ETV7: variants seen among roughly 807,000 people sequenced by gnomAD.
ETV7 encodes ETS variant transcription factor 7, also known as transcription factor ETV7.
Under a neutral mutation model 39.1 loss-of-function variants are expected in ETV7, and 43 were observed. That is an observed-to-expected ratio of 1.10 (90% CI 0.86 to 1.42). The LOEUF is 1.42. Ranked by LOEUF, ETV7 falls within the 40% of genes most tolerant of loss-of-function variation. The pLI, the probability that ETV7 is intolerant of heterozygous loss-of-function variation, is 0.00. For missense variants in ETV7, 432 were observed against 442.3 expected (o/e 0.98, Z 0.21); for synonymous variants, 196 against 176.6 (o/e 1.11, Z -0.87).
At position 36,369,098 on chromosome 6, in the gene ETV7, C is replaced by T. The variant is rs369710200; in HGVS notation, c.665-27G>A. ...TGCAATTTAGCACAGGGAGTGCAGGCAGCGCAGCTTTACTGGAGCTGTGAG... is the reference window on the plus strand; with the variant it reads ...TGCAATTTAGCACAGGGAGTGCAGGTAGCGCAGCTTTACTGGAGCTGTGAG... On this transcript the variant is annotated intron_variant, in intron 5 of 7. Transcript: ENST00000340181. 513 of 1,613,204 alleles carry T rather than the reference C, an allele frequency of 3.2e-4. 7 individuals carry two copies. The South Asian group carries it at 5.2e-3, about 16-fold the overall frequency.
At chr6:36,358,524 T>A (rs1561896844) in intron 7 of ETV7, among the ~76,000 whole-genome samples, 1 of 152,220 alleles carries the variant, frequency 6.6e-6, no homozygotes, top group Non-Finnish European at 1.5e-5. Context: ...GTTGGAAGGG[T>A]CCCTGGCTGA....
intron 2 of ETV7, among the ~76,000 whole-genome samples, chr6:36,382,178 T>C (rs1318606804): frequency 1.3e-5 from 2 of 152,138 alleles, no homozygotes; most frequent in East Asian, 3.8e-4. Context: ...CCTCAACCCA[T>C]GGTAAACAAA....
chr6:36,380,282 G>A (rs1382055863), intron 2 of ETV7, among the ~76,000 whole-genome samples: 3 of 152,152 alleles, frequency 2.0e-5, no homozygotes, highest in African/African-American at 7.2e-5. Flanking sequence ...GACTTCACCT[G>A]CAGATCAGCC....
chr6:36,362,529 A>G (rs1027086805), downstream of ETV7, among the ~76,000 whole-genome samples: 1 of 152,180 alleles, frequency 6.6e-6, no homozygotes, highest in Non-Finnish European at 1.5e-5. Context: ...TCAGGACTTT[A>G]ATTGTATGAA....
Position 36,366,247 on chromosome 6 carries a change from C to T in ETV7, c.*398G>A. Reference sequence around the variant, plus strand: ...AGGCTGTCAGTGCCGCCTGGAAGCACTAACACTTTTTCCCATTTCCTGCCT... The same window carrying T: ...AGGCTGTCAGTGCCGCCTGGAAGCATTAACACTTTTTCCCATTTCCTGCCT... On this transcript the variant is annotated 3_prime_UTR_variant, in exon 8 of 8. Coordinates refer to ENST00000340181, the MANE Select transcript of ETV7 (RefSeq NM_016135.4). 2.9e-6 allele frequency: 3 copies of T among 1,042,974 alleles called. No individual in the cohort carries two copies. Among genetic ancestry groups the T allele is most frequent in the South Asian group, 7.6e-5 (2 of 26,466 alleles). The allele number at this position is 1,042,974 out of a possible 1,614,324, so 64.6% of individuals were successfully genotyped here. A position where few individuals can be genotyped will look rare whatever the true frequency, so the allele number is the denominator to read the frequency against.
chr6:36,380,013 T>C (rs955337214), intron 2 of ETV7, among the ~76,000 whole-genome samples: 1 of 151,866 alleles, frequency 6.6e-6, no homozygotes, highest in Non-Finnish European at 1.5e-5. Context: ...ATGAAAAAAA[T>C]TGTACTGTCC....
intron 4 of ETV7, 124 bp downstream of exon 4, chr6:36,373,329 G>A: frequency 3.3e-6 from 4 of 1,199,004 alleles, no homozygotes; most frequent in Non-Finnish European, 2.2e-6. Context: ...AGGTGGGGGT[G>A]GGGCGGGAGG....
In ETV7 at chr6:36,376,997, T is replaced by C. The variant is rs1346603242; in HGVS notation, c.143-962A>G. Reference sequence around the variant, plus strand: ...GGGAGCCTCCTACACTCACCTTCAGTGCATGTGTTTTTATTTCTGGCAGTA... The same window carrying C: ...GGGAGCCTCCTACACTCACCTTCAGCGCATGTGTTTTTATTTCTGGCAGTA... On this transcript the variant is annotated intron_variant, in intron 2 of 7. Transcript: ENST00000340181. Among the ~76,000 whole-genome samples the C allele has an allele frequency of 3.9e-5, 6 of 152,140 alleles. 1 individual carries two copies.
At chr6:36,377,748 T>G (rs1205869109) in intron 2 of ETV7, among the ~76,000 whole-genome samples, 1 of 152,222 alleles carries the variant, frequency 6.6e-6, no homozygotes. Flanking sequence ...TCAGTCACTG[T>G]GCAGGGCTAG....
chr6:36,374,306 G>C (rs923582716), intron 3 of ETV7, among the ~76,000 whole-genome samples: 1 of 151,864 alleles, frequency 6.6e-6, no homozygotes, highest in African/African-American at 2.4e-5. Flanking sequence ...CAAGTGAGCT[G>C]TGTTCACGCC....
chr6:36,355,395 C>CTT (rs1184198286), intron 7 of ETV7, among the ~76,000 whole-genome samples: 23 of 143,674 alleles, frequency 1.6e-4, no homozygotes, highest in Non-Finnish European at 2.6e-4. Flanking sequence ...TGTTCATAGA[C>CTT]TTTTTTTTTT....
At chr6:36,363,597 T>G (rs141919952), downstream of ETV7, among the ~76,000 whole-genome samples, 950 of 152,346 alleles carry the variant, frequency 6.2e-3, 14 homozygotes, top group African/African-American at 0.021. Flanking sequence ...GCTCCCACGG[T>G]GTCAAAGGGG....
At chr6:36,364,213 T>TG (rs1332625525), downstream of ETV7, among the ~76,000 whole-genome samples, 3 of 152,240 alleles carry the variant, frequency 2.0e-5, no homozygotes, top group Non-Finnish European at 4.4e-5. Context: ...TGCCTGCCAG[T>TG]CCGGCGCCGT....
chr6:36,363,316 T>C (rs1392179508), downstream of ETV7, among the ~76,000 whole-genome samples: 1 of 152,172 alleles, frequency 6.6e-6, no homozygotes, highest in Non-Finnish European at 1.5e-5. Context: ...GGAGTGAAGC[T>C]GCAGACCTTC....
chr6:36,361,630 G>A (rs1025830330), downstream of ETV7, among the ~76,000 whole-genome samples: 10 of 152,226 alleles, frequency 6.6e-5, no homozygotes, highest in African/African-American at 2.4e-4. Context: ...GAAGGAAAAA[G>A]CCTTTCTAAG....
At chr6:36,376,103 C>T (rs750540258) in intron 2 of ETV7, 68 bp from the exon 3 acceptor site, 46 of 1,459,984 alleles carry the variant, frequency 3.2e-5, no homozygotes, top group Non-Finnish European at 4.0e-5. Flanking sequence ...ACCCTGAACA[C>T]TTCATCTGAG....
At chr6:36,379,128 C>T (rs918905646) in intron 2 of ETV7, among the ~76,000 whole-genome samples, 1 of 152,234 alleles carries the variant, frequency 6.6e-6, no homozygotes, top group African/African-American at 2.4e-5. Flanking sequence ...CAGGCCTCCA[C>T]AGCCAGCCAG....
At chr6:36,361,846 G>A (rs994258221), downstream of ETV7, among the ~76,000 whole-genome samples, 2 of 152,174 alleles carry the variant, frequency 1.3e-5, no homozygotes, top group Admixed American at 6.5e-5. Flanking sequence ...TTCAAACCAT[G>A]AGAATGTATC....
chr6:36,368,350 A>G, intron 6 of ETV7, among the ~76,000 whole-genome samples: 3 of 152,316 alleles, frequency 2.0e-5, no homozygotes, highest in Admixed American at 2.0e-4. Flanking sequence ...TTTTTTACTT[A>G]AAGAAACCTA....
Sources: allele counts gnomAD v4.1 joint callset (sites outside exome capture counted in the v4.1 genomes callset), GRCh38; gene constraint gnomAD v4.1.1; transcripts MANE v1.5; gene names NCBI Gene and HGNC (gene_info 2026-07-23, HGNC 2026-07-21).